Variants in ELAPOR1 observed in about 807,000 individuals in gnomAD.
ELAPOR1 encodes endosome-lysosome associated apoptosis and autophagy regulator 1, also known as endosome/lysosome-associated apoptosis and autophagy regulator 1.
Under a neutral mutation model 119.7 loss-of-function variants are expected in ELAPOR1, and 77 were observed. The observed-to-expected ratio is 0.64, with a 90% CI of 0.54 to 0.78. The LOEUF is 0.78. Ranked by LOEUF, ELAPOR1 falls within the 30% of genes least tolerant of loss-of-function variation. The pLI is 0.00. For synonymous variants in ELAPOR1, 481 were observed against 487.2 expected, an observed-to-expected ratio of 0.99 and a Z score of 0.17; for missense variants, 1,115 against 1,270.4, an observed-to-expected ratio of 0.88 and a Z score of 1.86.
chr1:109,188,591 G>C (rs1245357541), intron 9 of ELAPOR1, among the ~76,000 whole-genome samples: 3 of 152,194 alleles, frequency 2.0e-5, no homozygotes, highest in African/African-American at 7.2e-5. Context: ...AACTGCAAAT[G>C]TGACTCAGGA....
intron 1 of ELAPOR1, among the ~76,000 whole-genome samples, chr1:109,132,956 A>G (rs1274096408): frequency 6.6e-6 from 1 of 152,172 alleles, no homozygotes; most frequent in Non-Finnish European, 1.5e-5. Context: ...AGGATCAGGT[A>G]TGGTGGTTCA....
intron 11 of ELAPOR1, among the ~76,000 whole-genome samples, chr1:109,190,686 A>C (rs575883014): frequency 3.8e-4 from 58 of 152,298 alleles, no homozygotes; most frequent in Admixed American, 2.4e-3. Context: ...TTCAAAAAGT[A>C]CTTTCCAATT....
At chr1:109,124,689 C>T (rs1648661137) in intron 1 of ELAPOR1, among the ~76,000 whole-genome samples, 1 of 152,174 alleles carries the variant, frequency 6.6e-6, no homozygotes, top group Admixed American at 6.5e-5. Context: ...TAACCTTGCA[C>T]ACCGTCACCT....
intron 1 of ELAPOR1, among the ~76,000 whole-genome samples, chr1:109,142,943 T>C (rs1649919686): frequency 6.6e-6 from 1 of 152,202 alleles, no homozygotes; most frequent in East Asian, 1.9e-4. Flanking sequence ...ATGTGGTATG[T>C]CCATACAATG....
In ELAPOR1 at chr1:109,188,972, G is replaced by A. The variant is rs554556189; in HGVS notation, c.1220-94G>A. ...CAGCAGCCAGGCTTCTGGGCTGCCCGCTACTGTTGCAACTTGTCTGTGTGG... is the reference window on the plus strand; with the variant it reads ...CAGCAGCCAGGCTTCTGGGCTGCCCACTACTGTTGCAACTTGTCTGTGTGG... On this transcript the variant is annotated intron_variant, in intron 9 of 21. Transcript: ENST00000369939. 22 of 1,488,300 alleles carry A rather than the reference G, an allele frequency of 1.5e-5. No homozygotes were observed. The East Asian group carries it at 2.3e-4, about 16-fold the overall frequency. 92.2% of individuals were successfully genotyped at this position (1,488,300 alleles called of 1,614,324 possible).
chr1:109,194,692 T>C (rs2359242), intron 15 of ELAPOR1, 98 bp downstream of exon 15: 865,583 of 1,151,150 alleles, frequency 0.75, 334,278 homozygotes, highest in East Asian at 1. Flanking sequence ...ATCCTTCAGG[T>C]AGCAGGGGGT....
At chr1:109,177,505 C>G (rs1448283915) in intron 7 of ELAPOR1, among the ~76,000 whole-genome samples, 1 of 111,676 alleles carries the variant, frequency 9.0e-6, no homozygotes, top group Non-Finnish European at 1.8e-5. Flanking sequence ...GGATGGCGGC[C>G]GGGAAGAGGC....
chr1:109,174,413 T>TACA (rs1652119591), intron 7 of ELAPOR1, among the ~76,000 whole-genome samples: 1 of 42,034 alleles, frequency 2.4e-5, no homozygotes, highest in Non-Finnish European at 4.0e-5. Context: ...ACCCTGTCTC[T>TACA]AAAAAAAAAA....
At chr1:109,122,286 G>A (rs981890228) in intron 1 of ELAPOR1, among the ~76,000 whole-genome samples, 1 of 148,090 alleles carries the variant, frequency 6.8e-6, no homozygotes, top group Non-Finnish European at 1.5e-5. Context: ...TGATCTACCT[G>A]CCTCCGCCTC....
At chr1:109,196,087 C>T (rs912889475) in intron 15 of ELAPOR1, among the ~76,000 whole-genome samples, 7 of 152,050 alleles carry the variant, frequency 4.6e-5, no homozygotes, top group Non-Finnish European at 7.4e-5. Context: ...ACCCAGGGGG[C>T]GGAGATTGCA....
intron 1 of ELAPOR1, among the ~76,000 whole-genome samples, chr1:109,127,093 G>C (rs1648825924): frequency 6.6e-6 from 1 of 151,218 alleles, no homozygotes; most frequent in Admixed American, 6.6e-5. Flanking sequence ...CTCCTTCTAT[G>C]TCATACCAGA....
At chr1:109,136,554 C>T (rs1465129284) in intron 1 of ELAPOR1, among the ~76,000 whole-genome samples, 3 of 152,250 alleles carry the variant, frequency 2.0e-5, no homozygotes. Flanking sequence ...CCCTGAAAGA[C>T]GAATGCAGGC....
chr1:109,198,367 C>G (rs11102953), intron 17 of ELAPOR1, among the ~76,000 whole-genome samples: 3,472 of 152,296 alleles, frequency 0.023, 125 homozygotes, highest in African/African-American at 0.076. Context: ...TTTCCTAAAC[C>G]AGGGCATTTC....
intron 1 of ELAPOR1, among the ~76,000 whole-genome samples, chr1:109,123,813 T>C (rs1302218495): frequency 6.6e-6 from 1 of 152,236 alleles, no homozygotes; most frequent in Non-Finnish European, 1.5e-5. Flanking sequence ...ATATACTTTT[T>C]TTTGAGATAG....
chr1:109,144,061 A>ATTTTTTTTTTTTTTTTTTT lies in ELAPOR1; in HGVS notation c.154-17818_154-17817insTTTTTTTTTTTTTTTTTTT, dbSNP rs71069655. On this transcript the variant is annotated intron_variant, in intron 1 of 21. Transcript: ENST00000369939. ...TATATATATATATATATATTTATAT[A>ATTTTTTTTTTTTTTTTTTT]TTTTTTTTTTTTTTTGAGATGGAGT... is the stretch of plus-strand genomic sequence containing the variant. Among the ~76,000 whole-genome samples the ATTTTTTTTTTTTTTTTTTT allele has an allele frequency of 6.9e-4, 61 of 88,982 alleles. 2 individuals carry two copies. Among genetic ancestry groups the ATTTTTTTTTTTTTTTTTTT allele is most frequent in the African/African-American group, 1.4e-3 (30 of 20,738 alleles). The allele number at this position is 88,982 out of a possible 152,430, so 58.4% of individuals were successfully genotyped here.
At chr1:109,202,802 T>C (rs1301863857) in intron 21 of ELAPOR1, 142 bp from the exon 22 acceptor site, 5 of 802,860 alleles carry the variant, frequency 6.2e-6, no homozygotes, top group Admixed American at 1.8e-5. Context: ...GAATAGAGGG[T>C]ATCTCATTTC....
At position 109,173,853 on chromosome 1, in the gene ELAPOR1, G is replaced by C; in HGVS notation, c.952+16G>C. ...AAATACTCAGGTGATGTTTCTGAGG[G>C]TGGGAAGAGTTTGGGGATAGAGAGT... On this transcript the variant is annotated intron_variant, in intron 7 of 21. Transcript: ENST00000369939. 2 of 1,613,100 alleles carry C rather than the reference G, an allele frequency of 1.2e-6. No homozygotes were observed. The highest frequency in any genetic ancestry group is 2.2e-5 in the South Asian group (2 of 91,000).
chr1:109,182,266 G>T (rs1261810704), intron 7 of ELAPOR1, among the ~76,000 whole-genome samples: 2 of 151,922 alleles, frequency 1.3e-5, no homozygotes, highest in Admixed American at 6.6e-5. Flanking sequence ...AGAGGCGGAG[G>T]TTGCAGTGAG....
At chr1:109,187,045 G>A (rs770872089) in intron 8 of ELAPOR1, 106 of 985,416 alleles carry the variant, frequency 1.1e-4, no homozygotes, top group East Asian at 1.1e-4. Context: ...CCTCATTCCC[G>A]CACTGGTTCT....
Sources: allele counts gnomAD v4.1 joint callset (sites outside exome capture counted in the v4.1 genomes callset), GRCh38; gene constraint gnomAD v4.1.1; transcripts MANE v1.5; gene names NCBI Gene and HGNC (gene_info 2026-07-23, HGNC 2026-07-21).